Variants in SFTPC observed in about 807,000 individuals in gnomAD.
SFTPC encodes the protein surfactant protein C, also known as BRICHOS domain containing 6.
Under a neutral mutation model 19.9 loss-of-function variants are expected in SFTPC, and 12 were observed. The observed-to-expected ratio is 0.60, with a 90% CI of 0.39 to 0.98. SFTPC has a LOEUF of 0.98. Ranked by LOEUF, SFTPC falls within the 50% of genes least tolerant of loss-of-function variation. SFTPC has a pLI of 0.00. For synonymous variants in SFTPC, 123 were observed against 103.3 expected, an observed-to-expected ratio of 1.19 and a Z score of -1.16; for missense variants, 219 against 252.2, an observed-to-expected ratio of 0.87 and a Z score of 0.89.
intron 4 of SFTPC, 120 bp downstream of exon 4, chr8:22,163,666 T>C (rs1238543244): frequency 2.0e-5 from 16 of 819,376 alleles, no homozygotes; most frequent in Non-Finnish European, 3.3e-5. Flanking sequence ...GCCAGCTGAC[T>C]GCCCCTCTCC....
upstream of SFTPC, among the ~76,000 whole-genome samples, chr8:22,160,278 T>G (rs1340151911): frequency 1.4e-5 from 2 of 145,728 alleles, no homozygotes; most frequent in African/African-American, 2.6e-5. Flanking sequence ...AGGGCCCAGG[T>G]GGGAGGGGGC....
intron 2 of SFTPC, 88 bp downstream of exon 2, chr8:22,162,820 G>T: frequency 6.5e-7 from 1 of 1,529,922 alleles, no homozygotes; most frequent in Non-Finnish European, 9.0e-7. Context: ...CTGTCCAAGG[G>T]GAGTGGAGGG....
chr8:22,159,289 A>G (rs750617668), upstream of SFTPC, among the ~76,000 whole-genome samples: 12 of 152,226 alleles, frequency 7.9e-5, no homozygotes, highest in Non-Finnish European at 1.5e-4. Flanking sequence ...CCTGTCTCTA[A>G]ATAATTAAAT....
At chr8:22,159,994 G>A, upstream of SFTPC, 1 of 450,018 alleles carries the variant, frequency 2.2e-6, no homozygotes, top group Non-Finnish European at 3.9e-6. Flanking sequence ...CGAGCTGAGA[G>A]GATGCTTCTG....
intron 1 of SFTPC, among the ~76,000 whole-genome samples, 164 bp downstream of exon 1, chr8:22,162,034 G>A (rs530557040): frequency 1.3e-5 from 2 of 152,066 alleles, no homozygotes; most frequent in Admixed American, 6.5e-5. Flanking sequence ...CACTAAGCCA[G>A]GGACCCTTGG....
chr8:22,159,900 G>A (rs2131806928), upstream of SFTPC: 6 of 1,216,466 alleles, frequency 4.9e-6, no homozygotes, highest in South Asian at 1.3e-5. Flanking sequence ...TGATGGGGGC[G>A]GGAGTAAGGG....
At chr8:22,161,904 C>G in intron 1 of SFTPC, 34 bp downstream of exon 1, 1 of 1,603,456 alleles carries the variant, frequency 6.2e-7, no homozygotes, top group Non-Finnish European at 8.5e-7. Flanking sequence ...TGTATGTGTG[C>G]GCGCGCACAT....
upstream of SFTPC, chr8:22,161,519 C>T (rs767840525): frequency 5.3e-5 from 29 of 548,708 alleles, no homozygotes; most frequent in East Asian, 7.4e-5. Flanking sequence ...AAGGCAGGCA[C>T]GCCAGGAAGA....
At position 22,164,305 on chromosome 8, in the gene SFTPC, C is replaced by A. The variant is rs1157500123; in HGVS notation, c.*58C>A. 1 of 1,536,170 alleles carries A rather than the reference C, an allele frequency of 6.5e-7. No individual in the cohort carries two copies. The highest frequency in any genetic ancestry group is 1.2e-5 in the South Asian group (1 of 84,062). Reference sequence around the variant, plus strand: ...CCAACGGGAAAGGAAACGCCCCGGGCAAAGGGTCTTTTGCAGCTTTTGCAG... The same window carrying A: ...CCAACGGGAAAGGAAACGCCCCGGGAAAAGGGTCTTTTGCAGCTTTTGCAG... On this transcript the variant is annotated 3_prime_UTR_variant, in exon 6 of 6. Transcript: ENST00000679463.
At chr8:22,158,056 G>A (rs908060422), upstream of SFTPC, among the ~76,000 whole-genome samples, 3 of 152,162 alleles carry the variant, frequency 2.0e-5, no homozygotes, top group Non-Finnish European at 2.9e-5. Context: ...CCCCTGTGGC[G>A]GAGGATGACT....
Position 22,162,460 on chromosome 8 carries a change from C to G in SFTPC, c.43-114C>G. The stretch of plus-strand genomic sequence containing the variant: ...CCTCAGCCCTTCCCTGTCCATCCAT[C>G]GCATCGGCTGTCCAGCCCTAGGCAG... On this transcript the variant is annotated intron_variant, in intron 1 of 5. Coordinates refer to ENST00000679463, the MANE Select transcript of SFTPC (RefSeq NM_001317778.2). 5.2e-6 allele frequency: 6 copies of G among 1,162,286 alleles called. No homozygotes were observed. In the South Asian group the frequency reaches 6.2e-5, roughly 12 times the overall value. 72.0% of individuals were successfully genotyped at this position (1,162,286 alleles called of 1,614,324 possible).
At chr8:22,159,919 G>T (rs1443542584), upstream of SFTPC, 6 of 962,212 alleles carry the variant, frequency 6.2e-6, no homozygotes, top group South Asian at 1.4e-5. Context: ...GGCCCTGGGG[G>T]AGGGCAGGGG....
intron 1 of SFTPC, 32 bp downstream of exon 1, chr8:22,161,902 T>TGC (rs1039934164): frequency 1.3e-6 from 2 of 1,585,452 alleles, no homozygotes; most frequent in Non-Finnish European, 1.7e-6. Flanking sequence ...TATGTATGTG[T>TGC]GCGCGCGCAC....
At chr8:22,162,991 A>T in intron 2 of SFTPC, 89 bp from the exon 3 acceptor site, 1 of 1,573,786 alleles carries the variant, frequency 6.4e-7, no homozygotes, top group Non-Finnish European at 8.7e-7. Context: ...AGGGAAGCGC[A>T]TTTGAGTACA....
chr8:22,163,403 A>G (rs893610588), intron 3 of SFTPC, 33 bp from the exon 4 acceptor site: 1 of 1,581,268 alleles, frequency 6.3e-7, no homozygotes, highest in Non-Finnish European at 8.7e-7. Context: ...CAGGGCAGGG[A>G]CCCCCGAATG....
upstream of SFTPC, among the ~76,000 whole-genome samples, chr8:22,160,645 G>A (rs1258499152): frequency 1.3e-5 from 2 of 152,086 alleles, no homozygotes; most frequent in South Asian, 4.1e-4. Flanking sequence ...CAAAAGGATA[G>A]GAGGTTAAGG....
intron 1 of SFTPC, 115 bp from the exon 2 acceptor site, chr8:22,162,459 T>C: frequency 8.7e-7 from 1 of 1,152,120 alleles, no homozygotes; most frequent in Non-Finnish European, 1.3e-6. Flanking sequence ...TGTCCATCCA[T>C]CGCATCGGCT....
At chr8:22,159,564 AAAG>A (rs1312956335), upstream of SFTPC, 2 of 374,718 alleles carry the variant, frequency 5.3e-6, no homozygotes, top group Middle Eastern at 4.2e-4. Context: ...GGGTTTAAAA[AAAG>A]AAGGAGAAGA....
At chr8:22,162,958 G>A in intron 2 of SFTPC, 122 bp from the exon 3 acceptor site, 5 of 1,470,560 alleles carry the variant, frequency 3.4e-6, no homozygotes, top group Non-Finnish European at 4.7e-6. Flanking sequence ...GTTCCACTCA[G>A]CCTCCCTGAA....
Sources: gnomAD v4.1 joint callset for allele counts (sites outside exome capture counted in the v4.1 genomes callset) on GRCh38, gnomAD v4.1.1 for gene constraint, MANE v1.5 for transcripts, NCBI Gene and HGNC (gene_info 2026-07-23, HGNC 2026-07-21) for gene names.